AFAP1L1: variants seen among roughly 807,000 people sequenced by gnomAD.
AFAP1L1 encodes the protein actin filament associated protein 1 like 1, also known as actin filament-associated protein 1-like 1.
A neutral mutation model predicts 99.8 loss-of-function variants in AFAP1L1; 77 were observed. That is an observed-to-expected ratio of 0.77 (90% CI 0.64 to 0.93). AFAP1L1 has a LOEUF of 0.93. AFAP1L1 is among the 40% of genes least tolerant of loss of function. The pLI is 0.00. For synonymous variants in AFAP1L1, 373 were observed against 395.3 expected, an observed-to-expected ratio of 0.94 and a Z score of 0.67; for missense variants, 893 against 996.8, an observed-to-expected ratio of 0.90 and a Z score of 1.40.
At position 149,309,953 on chromosome 5, in the gene AFAP1L1, C is replaced by G; in HGVS notation, c.748-3C>G. The G allele has an allele frequency of 6.2e-7, 1 of 1,614,164 alleles. No individual in the cohort carries two copies. The highest frequency in any genetic ancestry group is 8.5e-7 in the Non-Finnish European group (1 of 1,180,018). On this transcript the variant is annotated splice_polypyrimidine_tract_variant and splice_region_variant and intron_variant, in intron 7 of 18. Coordinates refer to ENST00000296721, the MANE Select transcript of AFAP1L1 (RefSeq NM_152406.4). Reference sequence around the variant, plus strand: ...ATCCTGATGTGTTTCTCTCCCTGTCCAGTGTTACAAAAGCTCCAAGGATCG... The same window carrying G: ...ATCCTGATGTGTTTCTCTCCCTGTCGAGTGTTACAAAAGCTCCAAGGATCG...
At chr5:149,277,240 C>T (rs999598533) in intron 1 of AFAP1L1, among the ~76,000 whole-genome samples, 3 of 152,172 alleles carry the variant, frequency 2.0e-5, no homozygotes, top group African/African-American at 4.8e-5. Flanking sequence ...TCTTTTGCTG[C>T]GTTCTGTGTT....
At chr5:149,317,621 C>T (rs1756832197) in intron 11 of AFAP1L1, 108 bp from the exon 12 acceptor site, 3 of 1,154,324 alleles carry the variant, frequency 2.6e-6, no homozygotes, top group Non-Finnish European at 3.7e-6. Context: ...GGAAAGAGAG[C>T]TGACCAGGAC....
chr5:149,298,678 G>A (rs974230783), intron 1 of AFAP1L1, among the ~76,000 whole-genome samples: 1 of 152,138 alleles, frequency 6.6e-6, no homozygotes, highest in African/African-American at 2.4e-5. Flanking sequence ...TTGGCTCTAA[G>A]GCAAACCAAG....
intron 1 of AFAP1L1, among the ~76,000 whole-genome samples, chr5:149,294,149 G>A (rs1237290006): frequency 6.6e-6 from 1 of 152,114 alleles, no homozygotes; most frequent in South Asian, 2.1e-4. Context: ...TGCAGAGGTT[G>A]AACCTTGGAC....
intron 1 of AFAP1L1, among the ~76,000 whole-genome samples, chr5:149,272,202 G>A (rs940215057): frequency 5.9e-5 from 9 of 152,198 alleles, no homozygotes; most frequent in Non-Finnish European, 1.2e-4. Context: ...GGGCCAACTC[G>A]CCTCTCGTGT....
In AFAP1L1 at chr5:149,342,080, A is replaced by G. The variant is rs1421856780; in HGVS notation, c.*2050A>G. On this transcript the variant is annotated 3_prime_UTR_variant, in exon 19 of 19. Transcript: ENST00000296721. ...GTCAGCCATGGCCAGCTTCACAGGC[A>G]TGCAACCTGTGCAGTCACACAGGGC... is the stretch of plus-strand genomic sequence containing the variant. Among the ~76,000 whole-genome samples, 1 of 152,230 alleles carries G rather than the reference A, an allele frequency of 6.6e-6. No homozygotes were observed. Among genetic ancestry groups the G allele is most frequent in the Non-Finnish European group, 1.5e-5 (1 of 68,028 alleles).
At chr5:149,317,460 C>T (rs1438004897) in intron 11 of AFAP1L1, among the ~76,000 whole-genome samples, 2 of 152,154 alleles carry the variant, frequency 1.3e-5, no homozygotes, top group South Asian at 2.1e-4. Flanking sequence ...GTTTTTTATA[C>T]ACCATATGCA....
chr5:149,333,845 G>A (rs1384162865), intron 17 of AFAP1L1, among the ~76,000 whole-genome samples: 3 of 152,108 alleles, frequency 2.0e-5, no homozygotes, highest in Non-Finnish European at 4.4e-5. Flanking sequence ...ACCCTGGTTG[G>A]TCTAAATTAC....
intron 15 of AFAP1L1, 21 bp downstream of exon 15, chr5:149,322,738 C>T: frequency 4.5e-6 from 7 of 1,553,398 alleles, no homozygotes; most frequent in Non-Finnish European, 6.1e-6. Flanking sequence ...TGTGGGCCTC[C>T]CCTGCTGACT....
chr5:149,315,930 G>A lies in AFAP1L1; in HGVS notation c.1114+16G>A. ...TGTGATCACGGTAGGAGCCTCTGGG[G>A]GCTCAGGCTGGGGAATGCTGGAACT... is the stretch of plus-strand genomic sequence containing the variant. On this transcript the variant is annotated intron_variant, in intron 10 of 18. Coordinates refer to ENST00000296721, the MANE Select transcript of AFAP1L1 (RefSeq NM_152406.4). 3 of 1,613,870 alleles carry A rather than the reference G, an allele frequency of 1.9e-6. No individual in the cohort carries two copies. Among genetic ancestry groups the A allele is most frequent in the Non-Finnish European group, 2.5e-6 (3 of 1,179,822 alleles).
In AFAP1L1 at chr5:149,300,268, C is replaced by G. The variant is rs994761559; in HGVS notation, c.146-3C>G. 1 of 1,610,992 alleles carries G rather than the reference C, an allele frequency of 6.2e-7. No individual in the cohort carries two copies. Among genetic ancestry groups the G allele is most frequent in the Non-Finnish European group, 8.5e-7 (1 of 1,178,324 alleles). On this transcript the variant is annotated splice_polypyrimidine_tract_variant and splice_region_variant and intron_variant, in intron 2 of 18. Coordinates refer to ENST00000296721, the MANE Select transcript of AFAP1L1 (RefSeq NM_152406.4). ...GCTGGCATGTCCCCCTTCTTCCTCACAGCAAAGGAGGTCTCCTACCTGTAT... is the reference window on the plus strand; with the variant it reads ...GCTGGCATGTCCCCCTTCTTCCTCAGAGCAAAGGAGGTCTCCTACCTGTAT...
intron 12 of AFAP1L1, 56 bp downstream of exon 12, chr5:149,317,996 T>G (rs185372588): frequency 6.5e-7 from 1 of 1,527,158 alleles, no homozygotes. Context: ...CTGGCCTGAG[T>G]GTCATGTTTT....
At position 149,342,843 on chromosome 5, in the gene AFAP1L1, T is replaced by C. The variant is rs352349; in HGVS notation, c.*2813T>C. Among the ~76,000 whole-genome samples the C allele has an allele frequency of 0.57, 86,075 of 151,172 alleles. 25,392 individuals are homozygous for C. Among genetic ancestry groups the C allele is most frequent in the African/African-American group, 0.73 (30,009 of 41,216 alleles). On this transcript the variant is annotated 3_prime_UTR_variant, in exon 19 of 19. Transcript: ENST00000296721. The stretch of plus-strand genomic sequence containing the variant: ...AGGAGAATCACTTGAACCCGGGAGG[T>C]GGAGGTTGCAGTGAGCCGAGATCGC...
At chr5:149,315,739 G>A in intron 9 of AFAP1L1, 82 bp from the exon 10 acceptor site, 1 of 1,130,310 alleles carries the variant, frequency 8.8e-7, no homozygotes, top group Non-Finnish European at 1.3e-6. Context: ...GGGGGAGTTG[G>A]AGGGAGATTG....
chr5:149,331,982 G>A (rs558331909), intron 16 of AFAP1L1, among the ~76,000 whole-genome samples: 29 of 152,158 alleles, frequency 1.9e-4, no homozygotes, highest in African/African-American at 5.3e-4. Flanking sequence ...TGATTGGTCC[G>A]ACTTTCATCC....
chr5:149,296,028 T>C (rs955748800), intron 1 of AFAP1L1, among the ~76,000 whole-genome samples: 1 of 152,182 alleles, frequency 6.6e-6, no homozygotes, highest in African/African-American at 2.4e-5. Flanking sequence ...CAAAAGCAAT[T>C]TGGAGTCCTC....
rs900249714 is a variant in AFAP1L1 at position 149,316,459 on chromosome 5, T to C, written c.1267+156T>C. On this transcript the variant is annotated intron_variant, in intron 11 of 18. Coordinates refer to ENST00000296721, the MANE Select transcript of AFAP1L1 (RefSeq NM_152406.4). ...AGGCTAAGCCCCACTCCATTAACAC[T>C]CTAGGCCTTCCCATCACTTTCCTTC... Among the ~76,000 whole-genome samples the C allele has an allele frequency of 7.9e-5, 12 of 152,164 alleles. 1 individual carries two copies. The highest frequency in any genetic ancestry group is 5.8e-4 in the East Asian group (3 of 5,146).
chr5:149,333,321 C>T (rs903319608), intron 17 of AFAP1L1, among the ~76,000 whole-genome samples: 2 of 152,198 alleles, frequency 1.3e-5, no homozygotes, highest in African/African-American at 4.8e-5. Flanking sequence ...ATGACTTGCT[C>T]AAGGTCACTC....
At position 149,335,660 on chromosome 5, in the gene AFAP1L1, C is replaced by G; in HGVS notation, c.2221C>G (p.Leu741Val). ...TCTCCCTGTCAACTGTGTTTCTGAG[C>G]TGAGGAAGAGGAGCCCATCCATCGT... is the stretch of plus-strand genomic sequence containing the variant. ...QPLPVNCVSE[L>V]RKRSPSIVAS... Residue 741 changes from leucine to valine, a missense_variant, in exon 18 of 19, where the codon CTG becomes GTG. By Grantham distance (32) the Leu-to-Val change is conservative. Coordinates refer to ENST00000296721, the MANE Select transcript of AFAP1L1 (RefSeq NM_152406.4). The G allele has an allele frequency of 6.2e-7, 1 of 1,613,632 alleles. No homozygotes were observed. The highest frequency in any genetic ancestry group is 1.1e-5 in the South Asian group (1 of 91,038).
Sources: gnomAD v4.1 joint callset for allele counts (sites outside exome capture counted in the v4.1 genomes callset) on GRCh38, gnomAD v4.1.1 for gene constraint, MANE v1.5 for transcripts, NCBI Gene and HGNC (gene_info 2026-07-23, HGNC 2026-07-21) for gene names.